SYNE3: variants seen among roughly 807,000 people sequenced by gnomAD.
SYNE3 encodes nesprin-3.
Under a neutral mutation model 111.2 loss-of-function variants are expected in SYNE3, and 100 were observed. That is an observed-to-expected ratio of 0.90 (90% CI 0.77 to 1.06). The LOEUF is 1.06. Ranked by LOEUF, SYNE3 falls within the 50% of genes least tolerant of loss-of-function variation. The pLI is 0.00. For synonymous variants in SYNE3, 547 were observed against 533.9 expected (o/e 1.02, Z -0.34); for missense variants, 1,160 against 1,240.3 (o/e 0.94, Z 0.97).
rs1258673274 is a variant in SYNE3, at chr14:95,412,573, T to C, written c.*5253A>G. ...CCCCGGACAGCATCCGAATGGCCAG[T>C]GGGAAGGCAGGGCCAGTGAGCACCT... is the stretch of plus-strand genomic sequence containing the variant. On this transcript the variant is annotated 3_prime_UTR_variant, in exon 18 of 18. Coordinates refer to ENST00000682763, the MANE Select transcript of SYNE3 (RefSeq NM_152592.6). 2 of 152,230 alleles carry C rather than the reference T, an allele frequency of 1.3e-5. No homozygotes were observed. The highest frequency in any genetic ancestry group is 2.9e-5 in the Non-Finnish European group (2 of 68,052). 9.4% of individuals were successfully genotyped at this position (152,230 alleles called of 1,614,324 possible). A position where few individuals can be genotyped will look rare whatever the true frequency, so the allele number is the denominator to read the frequency against.
rs1292850902 is a variant in SYNE3, at chr14:95,433,292, T to C, written c.2656A>G (p.Lys886Glu). ...EDLRYQWMLY[K>E]SKLKDSGHLL... The stretch of plus-strand genomic sequence containing the variant: ...TGGCCAGAGTCCTTCAGCTTGGACT[T>C]GTACAGCATCCACTGGTAGCGCAGA... The change falls in exon 16 of 18, where the codon AAG becomes GAG. Residue 886 changes from lysine (K) to glutamate (E), a missense_variant. Physicochemically the swap from Lys to Glu is moderately conservative, Grantham distance 56. Transcript: ENST00000682763. 1 of 1,614,158 alleles carries C rather than the reference T, an allele frequency of 6.2e-7. No homozygotes were observed. The highest frequency in any genetic ancestry group is 1.7e-5 in the Admixed American group (1 of 60,022).
intron 1 of SYNE3, among the ~76,000 whole-genome samples, chr14:95,488,928 G>T (rs988577682): frequency 1.3e-5 from 2 of 152,134 alleles, no homozygotes; most frequent in African/African-American, 4.8e-5. Context: ...ACTGGTTTTG[G>T]CATTTGTGGT....
At chr14:95,467,774 C>A in intron 3 of SYNE3, 21 bp downstream of exon 3, 1 of 1,613,638 alleles carries the variant, frequency 6.2e-7, no homozygotes, top group Middle Eastern at 1.7e-4. Context: ...CAGCTGTGGA[C>A]AAAGGCCCTG....
intron 10 of SYNE3, 43 bp from the exon 11 acceptor site, chr14:95,443,332 T>C: frequency 6.2e-7 from 1 of 1,611,416 alleles, no homozygotes; most frequent in Non-Finnish European, 8.5e-7. Context: ...TTCCCACCTC[T>C]CCCTCCCTTG....
chr14:95,479,638 G>A (rs954026534), intron 1 of SYNE3, among the ~76,000 whole-genome samples: 3 of 152,248 alleles, frequency 2.0e-5, no homozygotes, highest in African/African-American at 7.2e-5. Context: ...CTGGCCTGGT[G>A]AGGCTCCATG....
At chr14:95,494,116 C>A (rs1487252986) in intron 1 of SYNE3, among the ~76,000 whole-genome samples, 1 of 148,506 alleles carries the variant, frequency 6.7e-6, no homozygotes, top group Non-Finnish European at 1.5e-5. Context: ...GCCTGGGCAA[C>A]AAAGTGAGAC....
Position 95,417,740 on chromosome 14 carries a change from T to C in SYNE3, c.*86A>G. ...TCTGCAGTCTTTGCCCTGCCCCTGT[T>C]TCCAGTTTCCCTGGCGAGCATCCTC... On this transcript the variant is annotated 3_prime_UTR_variant, in exon 18 of 18. Transcript: ENST00000682763. 1 of 1,441,922 alleles carries C rather than the reference T, an allele frequency of 6.9e-7. No homozygotes were observed. The highest frequency in any genetic ancestry group is 9.8e-7 in the Non-Finnish European group (1 of 1,024,666). 89.3% of individuals were successfully genotyped at this position (1,441,922 alleles called of 1,614,324 possible).
At chr14:95,491,412 C>G (rs1889843659) in intron 1 of SYNE3, among the ~76,000 whole-genome samples, 1 of 152,140 alleles carries the variant, frequency 6.6e-6, no homozygotes, top group African/African-American at 2.4e-5. Flanking sequence ...GAGAAAGAAA[C>G]AATCAACCCT....
At chr14:95,502,533 C>G (rs1857709025) in intron 1 of SYNE3, among the ~76,000 whole-genome samples, 1 of 152,140 alleles carries the variant, frequency 6.6e-6, no homozygotes, top group African/African-American at 2.4e-5. Context: ...GAAGCCTCCA[C>G]AATCCAAGGA....
In SYNE3 at chr14:95,457,191, G is replaced by A; in HGVS notation, c.775C>T (p.Leu259Phe). Residue 259 changes from leucine (L) to phenylalanine (F), a missense_variant, in exon 5 of 18, where the codon CTC (leucine) becomes TTC (phenylalanine). Transcript: ENST00000682763. ...RNCKLPITQR[L>F]STLQDIAKDF... ...CTGGGGATTACCTGCAGTGTGGAGA[G>A]GCGCTGCGTGATGGGCAGCTTGCAG... 3 of 1,613,694 alleles carry A rather than the reference G, an allele frequency of 1.9e-6. No homozygotes were observed. Among genetic ancestry groups the A allele is most frequent in the Non-Finnish European group, 1.7e-6 (2 of 1,179,888 alleles).
chr14:95,447,487 A>G (rs1437912800), intron 8 of SYNE3, among the ~76,000 whole-genome samples: 1 of 152,206 alleles, frequency 6.6e-6, no homozygotes, highest in Non-Finnish European at 1.5e-5. Context: ...GTGGGAGTTC[A>G]AGGCAGAGGT....
intron 1 of SYNE3, among the ~76,000 whole-genome samples, chr14:95,492,763 C>T (rs1595253764): frequency 6.6e-6 from 1 of 152,040 alleles, no homozygotes; most frequent in African/African-American, 2.4e-5. Flanking sequence ...TGCCTGTAAT[C>T]CCTACACTTT....
intron 8 of SYNE3, 135 bp downstream of exon 8, chr14:95,449,796 C>T: frequency 7.1e-7 from 1 of 1,415,384 alleles, no homozygotes; most frequent in Non-Finnish European, 9.4e-7. Flanking sequence ...CAGGACTCAG[C>T]AGACCGGGCG....
intron 8 of SYNE3, among the ~76,000 whole-genome samples, chr14:95,446,691 T>C (rs1039031602): frequency 6.6e-6 from 1 of 152,216 alleles, no homozygotes; most frequent in African/African-American, 2.4e-5. Context: ...AGACTACTGA[T>C]GTGCAGGAGT....
Position 95,433,334 on chromosome 14 carries a change from A to C in SYNE3, c.2614T>G (p.Ser872Ala). Residue 872 changes from serine to alanine, a missense_variant, in exon 16 of 18, where the codon TCG becomes GCG. Transcript: ENST00000682763. ...LLRLGPARGT[S>A]DELEDLRYQW... ...TAGCGCAGATCTTCCAGCTCATCCG[A>C]GGTCCCCCTTGCTGGCCCGAGACGA... is the stretch of plus-strand genomic sequence containing the variant. 1 of 1,614,112 alleles carries C rather than the reference A, an allele frequency of 6.2e-7. No individual in the cohort carries two copies. Among genetic ancestry groups the C allele is most frequent in the Non-Finnish European group, 8.5e-7 (1 of 1,180,014 alleles).
At chr14:95,452,501 CA>C in intron 6 of SYNE3, 118 bp from the exon 7 acceptor site, 1 of 1,312,202 alleles carries the variant, frequency 7.6e-7, no homozygotes. Context: ...AAACTGTCAC[CA>C]GGGGCAGGAA....
chr14:95,422,804 C>A (rs1406007290), intron 17 of SYNE3, among the ~76,000 whole-genome samples: 2 of 152,226 alleles, frequency 1.3e-5, no homozygotes, highest in Non-Finnish European at 2.9e-5. Flanking sequence ...TCTGAAGGCC[C>A]CTCTGAGCAC....
chr14:95,441,478 A>C (rs1886412301), intron 11 of SYNE3, among the ~76,000 whole-genome samples: 1 of 152,278 alleles, frequency 6.6e-6, no homozygotes, highest in African/African-American at 2.4e-5. Flanking sequence ...TAGATTAACA[A>C]GCACTGGGTA....
intron 3 of SYNE3, among the ~76,000 whole-genome samples, chr14:95,467,453 A>T (rs1264174713): frequency 1.3e-5 from 2 of 151,986 alleles, no homozygotes; most frequent in Non-Finnish European, 2.9e-5. Context: ...GCCAACCACC[A>T]CCCAGCTTCC....
Sources: gnomAD v4.1 joint callset for allele counts (sites outside exome capture counted in the v4.1 genomes callset) on GRCh38, gnomAD v4.1.1 for gene constraint, MANE v1.5 for transcripts, NCBI Gene and HGNC (gene_info 2026-07-23, HGNC 2026-07-21) for gene names.